CCDC149: variants seen among roughly 807,000 people sequenced by gnomAD.
The protein encoded by CCDC149 is coiled-coil domain containing 149, also known as coiled-coil domain-containing protein 149.
A neutral mutation model predicts 59.9 loss-of-function variants in CCDC149; 45 were observed. That is an observed-to-expected ratio of 0.75 (90% CI 0.59 to 0.96). The LOEUF is 0.96. Ranked by LOEUF, CCDC149 falls within the 40% of genes least tolerant of loss-of-function variation. CCDC149 has a pLI of 0.00. For missense variants in CCDC149, 584 were observed against 664.7 expected (o/e 0.88, Z 1.33); for synonymous variants, 245 against 260.6 (o/e 0.94, Z 0.58).
rs776595290 is a variant in CCDC149, at chr4:24,834,444, CAT to C, written c.820+502_820+503del. Among the ~76,000 whole-genome samples, 8 of 152,248 alleles carry C rather than the reference CAT, an allele frequency of 5.3e-5. No homozygotes were observed. In the South Asian group the frequency reaches 1.2e-3, roughly 24 times the overall value. ...AATAAAAGCTTCTTCGAAAAAGGCACATGTTATGTGAGAAAATGATTTCAGCA... is the reference window on the plus strand; with the variant it reads ...AATAAAAGCTTCTTCGAAAAAGGCACGTTATGTGAGAAAATGATTTCAGCA... On this transcript the variant is annotated intron_variant, in intron 8 of 12. Coordinates refer to ENST00000635206, the MANE Select transcript of CCDC149 (RefSeq NM_001330643.2).
intron 1 of CCDC149, among the ~76,000 whole-genome samples, chr4:24,908,744 C>G (rs558018705): frequency 4.9e-4 from 74 of 152,286 alleles, no homozygotes; most frequent in African/African-American, 1.7e-3. Flanking sequence ...CTACTTTGGG[C>G]GGAGGCCCAT....
chr4:24,922,852 G>A (rs887247939), intron 1 of CCDC149, among the ~76,000 whole-genome samples: 12 of 152,110 alleles, frequency 7.9e-5, no homozygotes, highest in Non-Finnish European at 1.3e-4. Context: ...CTCAGATGCC[G>A]TGTCCTCGAA....
chr4:24,896,413 T>C (rs927121998), intron 1 of CCDC149, among the ~76,000 whole-genome samples: 3 of 152,224 alleles, frequency 2.0e-5, no homozygotes, highest in Admixed American at 6.5e-5. Flanking sequence ...TTTTTCTTAA[T>C]GAGAAGACCA....
chr4:24,880,568 T>C (rs1044327987), intron 1 of CCDC149, among the ~76,000 whole-genome samples: 4 of 152,208 alleles, frequency 2.6e-5, no homozygotes, highest in Non-Finnish European at 5.9e-5. Context: ...TGTTAAAATG[T>C]CCCATTTTTT....
chr4:24,851,855 G>A (rs1210484576), intron 4 of CCDC149, among the ~76,000 whole-genome samples: 1 of 152,042 alleles, frequency 6.6e-6, no homozygotes, highest in Non-Finnish European at 1.5e-5. Context: ...ATAAAACCAC[G>A]AGCGGCTGGA....
At chr4:24,815,283 A>T (rs1714939914) in intron 12 of CCDC149, among the ~76,000 whole-genome samples, 1 of 152,208 alleles carries the variant, frequency 6.6e-6, no homozygotes, top group South Asian at 2.1e-4. Flanking sequence ...AAAGATAAAG[A>T]TTTCTGACTT....
chr4:24,846,030 A>G (rs981655569), intron 4 of CCDC149, among the ~76,000 whole-genome samples: 1 of 152,206 alleles, frequency 6.6e-6, no homozygotes, highest in Non-Finnish European at 1.5e-5. Context: ...AGGAAGTGTA[A>G]TTATGTCCAC....
intron 1 of CCDC149, among the ~76,000 whole-genome samples, chr4:24,947,682 T>C (rs1027394865): frequency 5.3e-5 from 8 of 152,176 alleles, no homozygotes; most frequent in African/African-American, 1.9e-4. Flanking sequence ...ATAGGAAATA[T>C]TCAAAATTTG....
intron 1 of CCDC149, among the ~76,000 whole-genome samples, chr4:24,953,824 A>G (rs763651588): frequency 6.6e-6 from 1 of 152,194 alleles, no homozygotes; most frequent in Non-Finnish European, 1.5e-5. Flanking sequence ...ACAAAAGGGA[A>G]ATATCAAGAA....
chr4:24,917,156 G>A (rs1038621818), upstream of CCDC149, among the ~76,000 whole-genome samples: 6 of 152,208 alleles, frequency 3.9e-5, no homozygotes, highest in Admixed American at 6.5e-5. Context: ...GATTCTGGCC[G>A]GGTTCCTGAC....
At chr4:24,933,931 C>T (rs186514044) in intron 1 of CCDC149, among the ~76,000 whole-genome samples, 1 of 152,292 alleles carries the variant, frequency 6.6e-6, no homozygotes, top group Non-Finnish European at 1.5e-5. Flanking sequence ...CATTCTGTTG[C>T]CAACGATGCT....
intron 9 of CCDC149, among the ~76,000 whole-genome samples, chr4:24,823,744 T>A (rs1715553577): frequency 6.6e-6 from 1 of 152,202 alleles, no homozygotes; most frequent in African/African-American, 2.4e-5. Flanking sequence ...TAATTAATAT[T>A]CCCTTTGAGT....
At chr4:24,876,286 CACACGT>C (rs1169568549) in intron 2 of CCDC149, among the ~76,000 whole-genome samples, 6 of 123,162 alleles carry the variant, frequency 4.9e-5, no homozygotes, top group Admixed American at 2.8e-4. Context: ...CATATACATA[CACACGT>C]ACACACACAC....
At chr4:24,934,192 C>T (rs1722669386) in intron 1 of CCDC149, among the ~76,000 whole-genome samples, 2 of 152,136 alleles carry the variant, frequency 1.3e-5, no homozygotes, top group African/African-American at 4.8e-5. Context: ...CCTATAATTC[C>T]CACATGTTGT....
At chr4:24,862,594 C>T (rs1302067907) in intron 3 of CCDC149, among the ~76,000 whole-genome samples, 1 of 152,212 alleles carries the variant, frequency 6.6e-6, no homozygotes, top group Non-Finnish European at 1.5e-5. Flanking sequence ...AATTTGAAAA[C>T]ATTTAATTGG....
At chr4:24,831,751 T>A in intron 8 of CCDC149, 101 bp from the exon 9 acceptor site, 1 of 1,056,540 alleles carries the variant, frequency 9.5e-7, no homozygotes, top group Non-Finnish European at 1.4e-6. Context: ...GTCCCCAGCT[T>A]CAAAATGCTA....
intron 3 of CCDC149, among the ~76,000 whole-genome samples, chr4:24,862,676 A>G (rs1718455249): frequency 6.6e-6 from 1 of 152,208 alleles, no homozygotes. Context: ...AACCTGACAC[A>G]ATATTCTTCA....
chr4:24,837,185 G>C lies in CCDC149; in HGVS notation c.662+43C>G, dbSNP rs1716594584. 1.9e-6 allele frequency: 3 copies of C among 1,596,760 alleles called. No homozygotes were observed. Among genetic ancestry groups the C allele is most frequent in the Non-Finnish European group, 1.7e-6 (2 of 1,167,064 alleles). On this transcript the variant is annotated intron_variant, in intron 6 of 12. Coordinates refer to ENST00000635206, the MANE Select transcript of CCDC149 (RefSeq NM_001330643.2). The surrounding 1 kb of genome is among the most constrained non-coding windows in gnomAD (Gnocchi z 4.3). ...CTCCCAGCCTGCAGGCCTGTGCAGA[G>C]CCAGCCTTCCTCCCACGCACAGGCC...
At chr4:24,865,644 C>T (rs1015086165) in intron 3 of CCDC149, among the ~76,000 whole-genome samples, 3 of 152,206 alleles carry the variant, frequency 2.0e-5, no homozygotes, top group African/African-American at 7.2e-5. Flanking sequence ...GAATGCATTT[C>T]CAGGCCCCAC....
Sources: allele counts gnomAD v4.1 joint callset (sites outside exome capture counted in the v4.1 genomes callset), GRCh38; gene constraint gnomAD v4.1.1; non-coding constraint Gnocchi (gnomAD v3.1); transcripts MANE v1.5; gene names NCBI Gene and HGNC (gene_info 2026-07-23, HGNC 2026-07-21).